The following BFSP2 variants were observed in gnomAD, a reference collection of about 807,000 sequenced individuals.
The protein encoded by BFSP2 is phakinin.
A neutral mutation model predicts 44.9 loss-of-function variants in BFSP2; 38 were observed. That is an observed-to-expected ratio of 0.85 (90% CI 0.65 to 1.11). BFSP2 has a LOEUF of 1.11. Ranked by LOEUF, BFSP2 falls within the 50% of genes least tolerant of loss-of-function variation. The pLI is 0.00. For synonymous variants in BFSP2, 197 were observed against 209.9 expected (o/e 0.94, Z 0.53); for missense variants, 525 against 533.0 (o/e 0.99, Z 0.15).
chr3:133,431,644 G>A (rs932252895), intron 1 of BFSP2, among the ~76,000 whole-genome samples: 6 of 152,070 alleles, frequency 3.9e-5, no homozygotes, highest in East Asian at 1.9e-4. Flanking sequence ...CACGGACGCC[G>A]AGCTTTAGGT....
chr3:133,448,954 T>G (rs2107924612), intron 3 of BFSP2: 1 of 365,140 alleles, frequency 2.7e-6, no homozygotes, highest in South Asian at 2.9e-5. Flanking sequence ...CAATGCATTC[T>G]ATGTCAGGTT....
At chr3:133,430,275 A>G (rs2073699472) in intron 1 of BFSP2, among the ~76,000 whole-genome samples, 1 of 151,974 alleles carries the variant, frequency 6.6e-6, no homozygotes, top group African/African-American at 2.4e-5. Context: ...ATACCCAGTA[A>G]CGGGATGGCT....
chr3:133,419,596 C>T (rs1317613805), intron 1 of BFSP2, among the ~76,000 whole-genome samples: 2 of 152,192 alleles, frequency 1.3e-5, no homozygotes, highest in Non-Finnish European at 2.9e-5. Flanking sequence ...TTCTCTGCCT[C>T]TTTTAATTTG....
At chr3:133,402,830 A>G (rs1024280637) in intron 1 of BFSP2, among the ~76,000 whole-genome samples, 1 of 151,774 alleles carries the variant, frequency 6.6e-6, no homozygotes, top group Admixed American at 6.6e-5. Flanking sequence ...TTTAATGGAG[A>G]TGGGGTTTCA....
intron 1 of BFSP2, among the ~76,000 whole-genome samples, chr3:133,434,029 C>T (rs1013464492): frequency 6.6e-5 from 10 of 152,242 alleles, no homozygotes; most frequent in Non-Finnish European, 1.0e-4. Flanking sequence ...CTCATACATG[C>T]CCTGCTCTTG....
rs104893685 is a variant in BFSP2 at position 133,450,432 on chromosome 3, C to A, written c.859C>A (p.Arg287=). The change falls in exon 4 of 7, where the codon CGG becomes AGG. Residue 287 remains arginine (R), a synonymous_variant. Coordinates refer to ENST00000302334, the MANE Select transcript of BFSP2 (RefSeq NM_003571.4). ...GTGGGAGAGAGATGTTGAAAAGAAC[C>A]GGGTGGAGGCAGGAGCCCTGCTCCA... The part of the protein sequence containing the change: ...IQWERDVEKN[R]VEAGALLQAK... 5 of 1,613,976 alleles carry A rather than the reference C, an allele frequency of 3.1e-6. No individual in the cohort carries two copies. The highest frequency in any genetic ancestry group is 3.3e-4 in the Middle Eastern group (2 of 6,060).
At chr3:133,414,634 ACCCCTCTACTCACCGCTGTCTCACT>A (rs1226517694) in intron 1 of BFSP2, among the ~76,000 whole-genome samples, 2 of 76,602 alleles carry the variant, frequency 2.6e-5, no homozygotes, top group Non-Finnish European at 4.9e-5. Context: ...GTCTCTACTC[ACCCCTCTACTCACCGCTGTCTCACT>A]CCCCTCTACT....
chr3:133,416,446 T>C (rs2073530777), intron 1 of BFSP2, among the ~76,000 whole-genome samples: 2 of 134,646 alleles, frequency 1.5e-5, no homozygotes, highest in East Asian at 2.6e-4. Flanking sequence ...GTCTCCCCTC[T>C]ACTCATGCCT....
chr3:133,448,761 C>T (rs2073928360), intron 3 of BFSP2, 116 bp downstream of exon 3: 1 of 1,342,000 alleles, frequency 7.5e-7, no homozygotes, highest in African/African-American at 1.4e-5. Flanking sequence ...ATTGCGTGCC[C>T]AGGACTGCAG....
chr3:133,450,516 C>T lies in BFSP2; in HGVS notation c.891+52C>T, dbSNP rs754736817. The T allele has an allele frequency of 9.4e-6, 15 of 1,604,150 alleles. 1 individual carries two copies. The highest frequency in any genetic ancestry group is 2.2e-5 in the South Asian group (2 of 90,764). On this transcript the variant is annotated intron_variant, in intron 4 of 6. Coordinates refer to ENST00000302334, the MANE Select transcript of BFSP2 (RefSeq NM_003571.4). Reference sequence around the variant, plus strand: ...CTCTGCCCTATGCAGAAGGAGGCCACGCTGAGCTGCAAACTAGTCAATGTG... The same window carrying T: ...CTCTGCCCTATGCAGAAGGAGGCCATGCTGAGCTGCAAACTAGTCAATGTG...
intron 1 of BFSP2, among the ~76,000 whole-genome samples, chr3:133,412,008 GTAT>G (rs1436039560): frequency 1.3e-5 from 2 of 152,204 alleles, no homozygotes; most frequent in Non-Finnish European, 2.9e-5. Context: ...TATTACGAAA[GTAT>G]TATTAATTTT....
intron 1 of BFSP2, among the ~76,000 whole-genome samples, chr3:133,436,160 A>T (rs1433833631): frequency 6.6e-6 from 1 of 151,896 alleles, no homozygotes; most frequent in African/African-American, 2.4e-5. Flanking sequence ...GGCCATTGCT[A>T]CTAAAAATAC....
At chr3:133,411,562 G>A (rs939277602) in intron 1 of BFSP2, among the ~76,000 whole-genome samples, 1 of 152,042 alleles carries the variant, frequency 6.6e-6, no homozygotes, top group African/African-American at 2.4e-5. Context: ...ATATGATTAA[G>A]CCTCAAGATA....
intron 1 of BFSP2, chr3:133,445,663 C>T (rs1025440161): frequency 5.3e-5 from 8 of 152,090 alleles, no homozygotes; most frequent in Non-Finnish European, 1.0e-4. Flanking sequence ...TTCTAAATAA[C>T]ACAATAAATA....
chr3:133,403,676 T>A (rs1300500163), intron 1 of BFSP2, among the ~76,000 whole-genome samples: 1 of 152,134 alleles, frequency 6.6e-6, no homozygotes, highest in African/African-American at 2.4e-5. Flanking sequence ...CAACATTTCC[T>A]CTTGCTTTCA....
At position 133,454,559 on chromosome 3, in the gene BFSP2, C is replaced by T. The variant is rs779605277; in HGVS notation, c.891+4095C>T. 2.6e-4 allele frequency among the ~76,000 whole-genome samples: 40 copies of T among 152,152 alleles called. 1 individual carries two copies. The highest frequency in any genetic ancestry group is 2.1e-4 in the South Asian group (1 of 4,830). On this transcript the variant is annotated intron_variant, in intron 4 of 6. Transcript: ENST00000302334. ...TGACAAGTCTGGCCCTCCCATACTTCGGATGAACTGGCTATAAATTAGGGG... is the reference window on the plus strand; with the variant it reads ...TGACAAGTCTGGCCCTCCCATACTTTGGATGAACTGGCTATAAATTAGGGG...
intron 2 of BFSP2, 45 bp downstream of exon 2, chr3:133,447,444 C>T (rs2073913886): frequency 6.4e-7 from 1 of 1,574,660 alleles, no homozygotes. Flanking sequence ...CATCCCTAGA[C>T]TCCTAGGCAA....
intron 1 of BFSP2, among the ~76,000 whole-genome samples, chr3:133,446,659 A>C (rs2073904256): frequency 8.6e-6 from 1 of 116,690 alleles, no homozygotes; most frequent in Non-Finnish European, 1.7e-5. Flanking sequence ...TCTTGGGTTG[A>C]AGGGAGGACA....
chr3:133,443,803 C>T (rs970116425), intron 1 of BFSP2, among the ~76,000 whole-genome samples: 7 of 152,288 alleles, frequency 4.6e-5, no homozygotes, highest in African/African-American at 1.7e-4. Flanking sequence ...ACCTCCTCCC[C>T]ACACCTGCAG....
Sources: allele counts gnomAD v4.1 joint callset (sites outside exome capture counted in the v4.1 genomes callset), GRCh38; gene constraint gnomAD v4.1.1; transcripts MANE v1.5; gene names NCBI Gene and HGNC (gene_info 2026-07-23, HGNC 2026-07-21).